Variants in HSPA4L observed in about 807,000 individuals in gnomAD.
HSPA4L encodes heat shock protein family A (Hsp70) member 4 like.
Under a neutral mutation model 100.3 loss-of-function variants are expected in HSPA4L, and 48 were observed. The ratio of observed to expected loss-of-function variants is 0.48; its 90% confidence interval spans 0.38 to 0.61. HSPA4L has a LOEUF of 0.61. Ranked by LOEUF, HSPA4L falls within the 20% of genes least tolerant of loss-of-function variation. HSPA4L has a pLI of 0.00. For missense variants in HSPA4L, 886 were observed against 988.6 expected, an observed-to-expected ratio of 0.90 and a Z score of 1.39; for synonymous variants, 319 against 328.2, an observed-to-expected ratio of 0.97 and a Z score of 0.30.
chr4:127,816,510 C>A (rs185146644), intron 12 of HSPA4L, among the ~76,000 whole-genome samples: 20 of 152,194 alleles, frequency 1.3e-4, no homozygotes, highest in Middle Eastern at 3.4e-3. Flanking sequence ...AGTGGCATGA[C>A]TAGATAGTTG....
chr4:127,817,629 T>A lies in HSPA4L; in HGVS notation c.1579-696T>A, dbSNP rs75541228. Among the ~76,000 whole-genome samples the A allele has an allele frequency of 4.3e-3, 660 of 152,280 alleles. 9 individuals are homozygous for A. The highest frequency in any genetic ancestry group is 0.015 in the African/African-American group (632 of 41,576). On this transcript the variant is annotated intron_variant, in intron 12 of 18. Coordinates refer to ENST00000296464, the MANE Select transcript of HSPA4L (RefSeq NM_014278.4). ...CATAAAAAAATCTTAAAAGTGTACCTTTTAATAATTTAGAAACACCCACTT... is the reference window on the plus strand; with the variant it reads ...CATAAAAAAATCTTAAAAGTGTACCATTTAATAATTTAGAAACACCCACTT...
Position 127,782,361 on chromosome 4 carries a change from G to A in HSPA4L, c.-190G>A. The A allele has an allele frequency of 1.7e-6, 1 of 582,810 alleles. No homozygotes were observed. The highest frequency in any genetic ancestry group is 3.1e-6 in the Non-Finnish European group (1 of 324,670). 36.1% of individuals were successfully genotyped at this position (582,810 alleles called of 1,614,324 possible). On this transcript the variant is annotated 5_prime_UTR_variant, in exon 1 of 19. Transcript: ENST00000296464. Reference sequence around the variant, plus strand: ...CAGGCTGCGGGACGCGGTGCAGGCTGCGGCGCTGACGGCCTCTGCTCCTTC... The same window carrying A: ...CAGGCTGCGGGACGCGGTGCAGGCTACGGCGCTGACGGCCTCTGCTCCTTC...
chr4:127,828,138 A>G (rs7663906), intron 17 of HSPA4L, among the ~76,000 whole-genome samples: 2 of 152,106 alleles, frequency 1.3e-5, no homozygotes, highest in Admixed American at 6.5e-5. Context: ...TAGACAATAC[A>G]CAAACTAATG....
At chr4:127,786,533 A>G (rs1256450118) in intron 1 of HSPA4L, among the ~76,000 whole-genome samples, 2 of 152,210 alleles carry the variant, frequency 1.3e-5, no homozygotes, top group African/African-American at 4.8e-5. Context: ...TGGTACAGTC[A>G]TAGCTCACTG....
chr4:127,830,102 C>T lies in HSPA4L; in HGVS notation c.2167-536C>T, dbSNP rs562598727. ...TTTCCCTTTATCTTCTGTGTCCAAA[C>T]TAATCCATCAGGAGATTCTCTTTCT... On this transcript the variant is annotated intron_variant, in intron 17 of 18. Transcript: ENST00000296464. Among the ~76,000 whole-genome samples, 3 of 152,190 alleles carry T rather than the reference C, an allele frequency of 2.0e-5. No individual in the cohort carries two copies. In the South Asian group the frequency reaches 6.2e-4, roughly 32 times the overall value.
At chr4:127,789,439 G>A (rs953416676) in intron 1 of HSPA4L, among the ~76,000 whole-genome samples, 5 of 152,180 alleles carry the variant, frequency 3.3e-5, no homozygotes, top group African/African-American at 1.2e-4. Context: ...AAGGTCAGGA[G>A]ATCAAGACCA....
At chr4:127,808,820 G>C (rs1733440884) in intron 11 of HSPA4L, among the ~76,000 whole-genome samples, 1 of 152,168 alleles carries the variant, frequency 6.6e-6, no homozygotes, top group Non-Finnish European at 1.5e-5. Context: ...CTACTCAGGA[G>C]GCTGAGGCAG....
intron 11 of HSPA4L, among the ~76,000 whole-genome samples, chr4:127,810,542 G>A (rs1733496587): frequency 6.6e-6 from 1 of 152,108 alleles, no homozygotes. Context: ...AGGATTGCTT[G>A]AGCCCAGGAG....
Position 127,796,482 on chromosome 4 carries a change from A to G in HSPA4L, c.306+574A>G, listed in dbSNP as rs151317930. Among the ~76,000 whole-genome samples the G allele has an allele frequency of 3.1e-3, 468 of 152,276 alleles. 2 individuals carry two copies. The highest frequency in any genetic ancestry group is 0.011 in the African/African-American group (440 of 41,578). On this transcript the variant is annotated intron_variant, in intron 3 of 18. Coordinates refer to ENST00000296464, the MANE Select transcript of HSPA4L (RefSeq NM_014278.4). ...CACTCCTGGGCTTATACTCAAGGGA[A>G]TTGAAACATACGTACACATAAAAAC...
intron 2 of HSPA4L, 37 bp downstream of exon 2, chr4:127,794,171 G>C (rs774569639): frequency 2.7e-6 from 4 of 1,500,498 alleles, no homozygotes; most frequent in Non-Finnish European, 3.7e-6. Context: ...CTTACAGGAA[G>C]AATTAACTGA....
rs760039445 is a variant in HSPA4L at position 127,832,666 on chromosome 4, T to C, written c.2329-17T>C. ...TCTGTAATCGTTTTAATATAATCAATTTCTTCATGTCTTTAGGAACTGGAT... is the reference window on the plus strand; with the variant it reads ...TCTGTAATCGTTTTAATATAATCAACTTCTTCATGTCTTTAGGAACTGGAT... On this transcript the variant is annotated splice_polypyrimidine_tract_variant and intron_variant, in intron 18 of 18. Transcript: ENST00000296464. The C allele has an allele frequency of 1.2e-5, 18 of 1,554,718 alleles. No individual in the cohort carries two copies. Among genetic ancestry groups the C allele is most frequent in the Non-Finnish European group, 1.6e-5 (18 of 1,150,358 alleles).
In HSPA4L at chr4:127,830,687, A is replaced by C. The variant is rs751227493; in HGVS notation, c.2216A>C (p.Lys739Thr). The C allele has an allele frequency of 7.1e-5, 115 of 1,608,678 alleles. No homozygotes were observed. Among genetic ancestry groups the C allele is most frequent in the Non-Finnish European group, 8.9e-5 (105 of 1,177,704 alleles). ...LDPTEMEKVE[K>T]CISDAMSWLN... ...CCTACTGAAATGGAAAAGGTTGAAA[A>C]ATGTATCAGTGATGCCATGAGTTGG... is the stretch of plus-strand genomic sequence containing the variant. The change falls in exon 18 of 19, where the codon AAA becomes ACA. Residue 739 changes from lysine (K) to threonine (T), a missense_variant. Transcript: ENST00000296464.
Position 127,804,084 on chromosome 4 carries a change from G to A in HSPA4L, c.982G>A (p.Ala328Thr). The stretch of plus-strand genomic sequence containing the variant: ...ACCTTTAAAAGCAGTAATGGAACAA[G>A]CTAGTAAGTGGAAATTACTGGACTA... ...EPPLKAVMEQANLQREDISSI... is the reference protein window; with the variant it reads ...EPPLKAVMEQTNLQREDISSI... Residue 328 changes from alanine (A) to threonine (T), a missense_variant, in exon 8 of 19, where the codon GCT (alanine) becomes ACT (threonine). Ala to Thr is a moderately conservative substitution (Grantham distance 58). Transcript: ENST00000296464. 3 of 1,613,052 alleles carry A rather than the reference G, an allele frequency of 1.9e-6. No individual in the cohort carries two copies. Among genetic ancestry groups the A allele is most frequent in the Non-Finnish European group, 2.5e-6 (3 of 1,179,094 alleles).
Position 127,800,574 on chromosome 4 carries a change from C to T in HSPA4L, c.430-564C>T, listed in dbSNP as rs962027077. Among the ~76,000 whole-genome samples the T allele has an allele frequency of 1.4e-4, 22 of 152,294 alleles. No individual in the cohort carries two copies. The East Asian group carries it at 1.7e-3, about 12-fold the overall frequency. ...TGTTAAAGGAAATTCCTATTTATCACAAGTTCCCTACAATATAGTTCCCCT... is the reference window on the plus strand; with the variant it reads ...TGTTAAAGGAAATTCCTATTTATCATAAGTTCCCTACAATATAGTTCCCCT... On this transcript the variant is annotated intron_variant, in intron 4 of 18. Coordinates refer to ENST00000296464, the MANE Select transcript of HSPA4L (RefSeq NM_014278.4).
chr4:127,827,526 C>T (rs1422868082), intron 17 of HSPA4L, 102 bp downstream of exon 17: 5 of 1,290,350 alleles, frequency 3.9e-6, no homozygotes, highest in Non-Finnish European at 5.3e-6. Context: ...GCAGTTGTAT[C>T]TATCAAATTC....
chr4:127,814,191 C>T (rs1050260196), intron 12 of HSPA4L, among the ~76,000 whole-genome samples: 2 of 152,148 alleles, frequency 1.3e-5, no homozygotes, highest in Non-Finnish European at 2.9e-5. Context: ...TTTATGGCAT[C>T]TGCTTTGGTT....
chr4:127,801,427 T>G (rs1049012087), intron 5 of HSPA4L, among the ~76,000 whole-genome samples, 190 bp downstream of exon 5: 2 of 151,600 alleles, frequency 1.3e-5, no homozygotes. Flanking sequence ...AGACACAGTC[T>G]CTTTAAAAAA....
At chr4:127,812,688 A>G (rs924481183) in intron 12 of HSPA4L, 27 of 760,988 alleles carry the variant, frequency 3.5e-5, no homozygotes, top group Non-Finnish European at 5.0e-5. Context: ...TGTAGCCCAG[A>G]GGTCCTTTAT....
chr4:127,808,179 GT>G (rs1733418214), intron 11 of HSPA4L, 50 bp downstream of exon 11: 1 of 1,448,470 alleles, frequency 6.9e-7, no homozygotes, highest in South Asian at 1.3e-5. Flanking sequence ...TATAAATAAT[GT>G]GTTATTTTAG....
Sources: allele counts gnomAD v4.1 joint callset (sites outside exome capture counted in the v4.1 genomes callset), GRCh38; gene constraint gnomAD v4.1.1; transcripts MANE v1.5; gene names NCBI Gene and HGNC (gene_info 2026-07-23, HGNC 2026-07-21).